Variants in CNTLN observed in about 807,000 individuals in gnomAD.
CNTLN encodes the protein centlein.
CNTLN carries 212 observed loss-of-function variants against 180.0 expected under a neutral mutation model. The observed-to-expected ratio is 1.18, with a 90% confidence interval of 1.05 to 1.32. CNTLN has a LOEUF of 1.32. Ranked by LOEUF, CNTLN falls within the 40% of genes most tolerant of loss-of-function variation. CNTLN has a pLI of 0.00. For missense variants in CNTLN, 2,095 were observed against 1,610.9 expected, an observed-to-expected ratio of 1.30 and a Z score of -5.14; for synonymous variants, 722 against 563.1, an observed-to-expected ratio of 1.28 and a Z score of -3.99.
At chr9:17,171,677 A>C (rs532624656) in intron 2 of CNTLN, among the ~76,000 whole-genome samples, 1 of 151,798 alleles carries the variant, frequency 6.6e-6, no homozygotes, top group Admixed American at 6.6e-5. Flanking sequence ...GTGTGGAGGG[A>C]GGGATGGTGA....
At chr9:17,492,605 A>G (rs139387118) in intron 25 of CNTLN, among the ~76,000 whole-genome samples, 1,679 of 152,296 alleles carry the variant, frequency 0.011, 21 homozygotes, top group Non-Finnish European at 0.015. Context: ...GTTAGGAGGC[A>G]GAGAAAATTG....
intron 18 of CNTLN, among the ~76,000 whole-genome samples, chr9:17,419,711 A>T (rs934191868): frequency 2.6e-5 from 4 of 152,178 alleles, no homozygotes; most frequent in African/African-American, 9.7e-5. Flanking sequence ...ATTAACATAT[A>T]TTCTTCCACT....
intron 22 of CNTLN, 145 bp downstream of exon 22, chr9:17,466,263 T>A (rs567456248): frequency 3.2e-6 from 2 of 631,528 alleles, no homozygotes; most frequent in South Asian, 4.2e-5. Context: ...TATCTCTACA[T>A]GAAACGCCAA....
the CNTLN span, among the ~76,000 whole-genome samples, chr9:17,520,935 GCTT>G: frequency 7.9e-5 from 12 of 152,236 alleles, no homozygotes; most frequent in South Asian, 8.3e-4. Context: ...AATCGAAGCT[GCTT>G]CTTCTTCTGG....
intron 5 of CNTLN, among the ~76,000 whole-genome samples, chr9:17,251,594 C>A (rs1459272024): frequency 6.6e-6 from 1 of 151,686 alleles, no homozygotes; most frequent in East Asian, 1.9e-4. Context: ...GTATTTTGTT[C>A]CTTTTTTTCC....
intron 7 of CNTLN, among the ~76,000 whole-genome samples, chr9:17,304,541 A>T (rs1180115490): frequency 2.0e-5 from 3 of 152,152 alleles, no homozygotes; most frequent in Non-Finnish European, 2.9e-5. Context: ...ATATTAAATT[A>T]CATGTTAAAT....
At chr9:17,485,358 T>G (rs948705032) in intron 24 of CNTLN, among the ~76,000 whole-genome samples, 2 of 152,132 alleles carry the variant, frequency 1.3e-5, no homozygotes, top group Non-Finnish European at 2.9e-5. Flanking sequence ...ATTTTTGAAC[T>G]ACCAAGAATC....
chr9:17,220,499 A>G (rs1028090905), intron 2 of CNTLN, among the ~76,000 whole-genome samples: 10 of 152,178 alleles, frequency 6.6e-5, no homozygotes, highest in Admixed American at 5.9e-4. Context: ...AACTTGTGTC[A>G]TGGGAGTTTT....
chr9:17,382,731 A>G (rs1373342601), intron 13 of CNTLN, among the ~76,000 whole-genome samples: 3 of 152,242 alleles, frequency 2.0e-5, no homozygotes, highest in African/African-American at 7.2e-5. Flanking sequence ...CCAATCTAGC[A>G]TAAGGGCATT....
downstream of CNTLN, among the ~76,000 whole-genome samples, chr9:17,504,459 AATATGGT>A (rs1270980234): frequency 1.3e-5 from 2 of 152,184 alleles, no homozygotes; most frequent in African/African-American, 2.4e-5. Context: ...AAAAAAAGAA[AATATGGT>A]AGACTGAGAA....
rs189145847 is a variant in CNTLN at position 17,445,888 on chromosome 9, C to G, written c.3115-11636C>G. 8.5e-5 allele frequency among the ~76,000 whole-genome samples: 13 copies of G among 152,146 alleles called. No homozygotes were observed. The East Asian group carries it at 1.9e-3, about 23-fold the overall frequency. On this transcript the variant is annotated intron_variant, in intron 18 of 25. Coordinates refer to ENST00000380647, the MANE Select transcript of CNTLN (RefSeq NM_017738.4). ...CCTGTCCCTGGGCAATGGAATGTCC[C>G]GGTATAAAACCCGATTGTATGCTCC...
intron 25 of CNTLN, 41 bp from the exon 26 acceptor site, chr9:17,502,510 A>T (rs2134430887): frequency 2.1e-6 from 2 of 958,602 alleles, no homozygotes; most frequent in East Asian, 2.8e-5. Context: ...AACTGAAGAA[A>T]ATATAGAGTT....
At chr9:17,468,828 T>C (rs187965116) in intron 23 of CNTLN, among the ~76,000 whole-genome samples, 1 of 151,870 alleles carries the variant, frequency 6.6e-6, no homozygotes, top group Non-Finnish European at 1.5e-5. Context: ...GAAGTGGGTA[T>C]CTAAACTCTA....
intron 5 of CNTLN, among the ~76,000 whole-genome samples, chr9:17,250,325 C>CT (rs927739406): frequency 6.6e-6 from 1 of 151,824 alleles, no homozygotes; most frequent in African/African-American, 2.4e-5. Flanking sequence ...ATGCCAATCT[C>CT]TTTTTTTCTG....
At chr9:17,474,531 C>G (rs923061704) in intron 23 of CNTLN, among the ~76,000 whole-genome samples, 1 of 152,072 alleles carries the variant, frequency 6.6e-6, no homozygotes, top group Non-Finnish European at 1.5e-5. Flanking sequence ...GCTCTTGATC[C>G]AGAACAGTCT....
chr9:17,474,914 C>T (rs1420390108), intron 23 of CNTLN, among the ~76,000 whole-genome samples: 1 of 151,380 alleles, frequency 6.6e-6, no homozygotes, highest in African/African-American at 2.4e-5. Context: ...TTACTCTAGT[C>T]TCCTGGCATG....
intron 11 of CNTLN, 83 bp downstream of exon 11, chr9:17,341,031 G>C: frequency 7.9e-7 from 1 of 1,270,308 alleles, no homozygotes; most frequent in Non-Finnish European, 1.0e-6. Flanking sequence ...AATGGCTTTT[G>C]TTTGGTTTTA....
At chr9:17,263,089 C>T (rs113037155) in intron 5 of CNTLN, among the ~76,000 whole-genome samples, 35,337 of 150,298 alleles carry the variant, frequency 0.24, 5,379 homozygotes, top group African/African-American at 0.37. Context: ...ATGTGCACAA[C>T]GTGCAGGTTT....
chr9:17,140,192 C>A (rs955550621), intron 1 of CNTLN, among the ~76,000 whole-genome samples: 1 of 151,768 alleles, frequency 6.6e-6, no homozygotes, highest in Non-Finnish European at 1.5e-5. Flanking sequence ...TAGGTGTAAT[C>A]CAAATTGACC....
Sources: gnomAD v4.1 joint callset for allele counts (sites outside exome capture counted in the v4.1 genomes callset) on GRCh38, gnomAD v4.1.1 for gene constraint, MANE v1.5 for transcripts, NCBI Gene and HGNC (gene_info 2026-07-23, HGNC 2026-07-21) for gene names.